The following DOCK8 variants were observed in gnomAD, a reference collection of about 807,000 sequenced individuals.
DOCK8 encodes the protein dedicator of cytokinesis protein 8.
A neutral mutation model predicts 245.6 loss-of-function variants in DOCK8; 141 were observed. The ratio of observed to expected loss-of-function variants is 0.57; its 90% CI spans 0.50 to 0.66. The LOEUF is 0.66. DOCK8 is among the 30% of genes least tolerant of loss of function. The probability of loss-of-function intolerance (pLI) is 0.00; values close to 1 mark genes in which losing one functional copy is unlikely to be tolerated. For synonymous variants in DOCK8, 1,168 were observed against 970.2 expected (o/e 1.20, Z -3.79); for missense variants, 2,965 against 2,603.4 (o/e 1.14, Z -3.02).
rs1334777136 is a variant in DOCK8, at chr9:464,152, A to G, written c.6240-7A>G. The G allele has an allele frequency of 6.2e-7, 1 of 1,611,870 alleles. No homozygotes were observed. On this transcript the variant is annotated splice_region_variant and splice_polypyrimidine_tract_variant and intron_variant, in intron 47 of 47. Coordinates refer to ENST00000432829, the MANE Select transcript of DOCK8 (RefSeq NM_203447.4). Reference sequence around the variant, plus strand: ...TCCCTCTCCTCCCTCTCTTTTCTTAATTTCAGGGACTCCTTCCACAGATCT... The same window carrying G: ...TCCCTCTCCTCCCTCTCTTTTCTTAGTTTCAGGGACTCCTTCCACAGATCT...
At chr9:250,638 A>G (rs997250017) in intron 1 of DOCK8, among the ~76,000 whole-genome samples, 3 of 152,198 alleles carry the variant, frequency 2.0e-5, no homozygotes, top group Non-Finnish European at 4.4e-5. Flanking sequence ...ATTTGGGAGT[A>G]AACAACATGT....
chr9:361,521 G>C (rs2052729556), intron 14 of DOCK8, among the ~76,000 whole-genome samples: 1 of 152,166 alleles, frequency 6.6e-6, no homozygotes, highest in South Asian at 2.1e-4. Flanking sequence ...CAGATGAGGA[G>C]ATTGACTTGT....
chr9:345,678 C>T (rs781046755), intron 14 of DOCK8, among the ~76,000 whole-genome samples: 5 of 152,188 alleles, frequency 3.3e-5, no homozygotes, highest in Non-Finnish European at 5.9e-5. Context: ...TCCCCAGCCT[C>T]ACCTTCCTCC....
intron 2 of DOCK8, among the ~76,000 whole-genome samples, chr9:282,413 G>T (rs61676720): frequency 0.016 from 2,062 of 131,694 alleles, 55 homozygotes; most frequent in African/African-American, 0.054. Context: ...GTTTCGTTTT[G>T]TTTTTTTTTT....
intron 4 of DOCK8, among the ~76,000 whole-genome samples, chr9:304,067 C>G (rs192697069): frequency 2.0e-5 from 3 of 152,300 alleles, no homozygotes; most frequent in African/African-American, 7.2e-5. Flanking sequence ...ACAACTTTAA[C>G]AGAGTTCATA....
At chr9:372,814 G>A (rs1290083035) in intron 18 of DOCK8, among the ~76,000 whole-genome samples, 1 of 152,166 alleles carries the variant, frequency 6.6e-6, no homozygotes, top group African/African-American at 2.4e-5. Context: ...TGGATCAACT[G>A]AGGTCAGGAT....
intron 14 of DOCK8, among the ~76,000 whole-genome samples, chr9:367,293 T>G (rs1372439908): frequency 1.3e-5 from 2 of 152,232 alleles, no homozygotes; most frequent in Non-Finnish European, 2.9e-5. Context: ...TTAATACTCC[T>G]GTGTCCTAGG....
chr9:330,127 A>C (rs1289895229), intron 9 of DOCK8, among the ~76,000 whole-genome samples: 1 of 152,180 alleles, frequency 6.6e-6, no homozygotes, highest in Non-Finnish European at 1.5e-5. Context: ...AGCATCATCT[A>C]GTTCAGGTGT....
At chr9:353,556 A>G (rs1430537239) in intron 14 of DOCK8, among the ~76,000 whole-genome samples, 1 of 152,188 alleles carries the variant, frequency 6.6e-6, no homozygotes, top group African/African-American at 2.4e-5. Flanking sequence ...CTCAGCTGGC[A>G]GATTTGTTTT....
At chr9:374,743 G>C (rs972634760) in intron 18 of DOCK8, among the ~76,000 whole-genome samples, 3 of 151,750 alleles carry the variant, frequency 2.0e-5, no homozygotes, top group African/African-American at 7.3e-5. Context: ...TGGGATTATA[G>C]GTGTGAGCCA....
At position 404,898 on chromosome 9, in the gene DOCK8, CTT is replaced by C. The variant is rs778827697; in HGVS notation, c.3235-17_3235-16del. The C allele has an allele frequency of 1.2e-6, 2 of 1,613,678 alleles. No homozygotes were observed. Among genetic ancestry groups the C allele is most frequent in the East Asian group, 2.2e-5 (1 of 44,854 alleles). The stretch of plus-strand genomic sequence containing the variant: ...ACCTTGTAATAAATGTTTCATTCCT[CTT>C]TTCATTTTTCTTCCCAGCTGTCAGC... On this transcript the variant is annotated intron_variant, in intron 26 of 47. Coordinates refer to ENST00000432829, the MANE Select transcript of DOCK8 (RefSeq NM_203447.4).
At chr9:313,925 T>G (rs1307254119) in intron 6 of DOCK8, among the ~76,000 whole-genome samples, 4 of 152,248 alleles carry the variant, frequency 2.6e-5, no homozygotes, top group African/African-American at 9.6e-5. Context: ...TGTTCACAAT[T>G]ACTACTTGTC....
chr9:401,407 G>A (rs981590751), intron 26 of DOCK8, among the ~76,000 whole-genome samples: 12 of 152,238 alleles, frequency 7.9e-5, no homozygotes, highest in Admixed American at 5.2e-4. Flanking sequence ...AGGAGGATTA[G>A]GGCAGAAGCT....
At chr9:305,209 A>T (rs996069943) in intron 5 of DOCK8, among the ~76,000 whole-genome samples, 4 of 152,206 alleles carry the variant, frequency 2.6e-5, no homozygotes, top group Non-Finnish European at 5.9e-5. Flanking sequence ...ATCCATAAAG[A>T]ATTAGAATAA....
chr9:423,842 A>G (rs1313579293), intron 33 of DOCK8, among the ~76,000 whole-genome samples: 2 of 152,136 alleles, frequency 1.3e-5, no homozygotes. Flanking sequence ...ACTCTACTAG[A>G]TTAAAAGAAG....
intron 28 of DOCK8, among the ~76,000 whole-genome samples, chr9:410,227 A>G (rs899170413): frequency 3.9e-5 from 6 of 152,212 alleles, no homozygotes; most frequent in Non-Finnish European, 7.3e-5. Flanking sequence ...AGTCAGATAA[A>G]AAATATAATA....
chr9:376,419 C>G (rs1459389711), intron 19 of DOCK8, 114 bp downstream of exon 19: 4 of 834,652 alleles, frequency 4.8e-6, no homozygotes, highest in African/African-American at 1.7e-5. Context: ...AAAAAATAAC[C>G]CTTTAGTTCT....
intron 46 of DOCK8, chr9:458,454 A>G (rs1474398099): frequency 6.6e-6 from 1 of 152,238 alleles, no homozygotes; most frequent in East Asian, 1.9e-4. Context: ...ATGGATATTG[A>G]GAAAACAACT....
intron 46 of DOCK8, among the ~76,000 whole-genome samples, chr9:462,767 G>C (rs551621067): frequency 6.6e-6 from 1 of 152,334 alleles, no homozygotes; most frequent in Admixed American, 6.5e-5. Flanking sequence ...GTACGTAGCA[G>C]GAGGAGGCTG....
Sources: allele counts gnomAD v4.1 joint callset (sites outside exome capture counted in the v4.1 genomes callset), GRCh38; gene constraint gnomAD v4.1.1; transcripts MANE v1.5; gene names NCBI Gene and HGNC (gene_info 2026-07-23, HGNC 2026-07-21).